The following ARHGAP32 variants were observed in gnomAD, a reference collection of about 807,000 sequenced individuals.
ARHGAP32 encodes the protein Rho GTPase activating protein 32.
Under a neutral mutation model 186.5 loss-of-function variants are expected in ARHGAP32, and 51 were observed. The ratio of observed to expected loss-of-function variants is 0.27; its 90% CI spans 0.22 to 0.35. The LOEUF (loss-of-function observed/expected upper bound fraction) is 0.35, where lower values mean the gene tolerates loss of function less well. ARHGAP32 is among the 10% of genes least tolerant of loss of function. ARHGAP32 has a pLI of 1.00. For missense variants in ARHGAP32, 2,186 were observed against 2,623.5 expected (o/e 0.83, Z 3.64); for synonymous variants, 950 against 964.3 (o/e 0.99, Z 0.27).
At position 128,988,121 on chromosome 11, in the gene ARHGAP32, C is replaced by A. The variant is rs1013575978; in HGVS notation, c.1200G>T (p.Pro400=). 1 of 1,609,484 alleles carries A rather than the reference C, an allele frequency of 6.2e-7. No individual in the cohort carries two copies. Among genetic ancestry groups the A allele is most frequent in the African/African-American group, 1.3e-5 (1 of 74,888 alleles). ...ATGCTGTGCAGCTTTGAAGAACCTGCGGCACTAAAGAGAATTTGTAAAGAA... is the reference window on the plus strand; with the variant it reads ...ATGCTGTGCAGCTTTGAAGAACCTGAGGCACTAAAGAGAATTTGTAAAGAA... ...EHLLNSGFEV[P]QVLQSCTAFI... is the part of the protein sequence containing the mutation. The change falls in exon 13 of 23, where the codon CCG becomes CCT. Residue 400 remains proline, a synonymous_variant. Transcript: ENST00000682385.
intron 11 of ARHGAP32, among the ~76,000 whole-genome samples, chr11:129,032,880 A>C (rs1166035349): frequency 3.3e-5 from 5 of 152,218 alleles, no homozygotes; most frequent in African/African-American, 1.2e-4. Context: ...CTGGATCAAC[A>C]GAACATTACC....
intron 5 of ARHGAP32, among the ~76,000 whole-genome samples, chr11:129,109,297 C>T (rs11221565): frequency 0.19 from 28,279 of 151,896 alleles, 2,814 homozygotes; most frequent in Non-Finnish European, 0.21. Context: ...TTTAACCATT[C>T]GTCTGTGGAG....
At chr11:129,193,562 T>TATATA (rs1944318114), upstream of ARHGAP32, among the ~76,000 whole-genome samples, 3 of 12,000 alleles carry the variant, frequency 2.5e-4, no homozygotes, top group African/African-American at 5.7e-4. Context: ...ATATATATAT[T>TATATA]ATATATAATA....
rs1945340417 is a variant in ARHGAP32, at chr11:128,970,652, C to A, written c.4561G>T (p.Val1521Leu). ...TPNCQYRPQS[V>L]PPHHNKLEQH... Reference sequence around the variant, plus strand: ...TCCAATTTATTGTGATGGGGAGGTACACTCTGGGGACGGTACTGGCAGTTT... The same window carrying A: ...TCCAATTTATTGTGATGGGGAGGTAAACTCTGGGGACGGTACTGGCAGTTT... The change falls in exon 23 of 23, where the codon GTA becomes TTA. Residue 1521 changes from valine to leucine, a missense_variant. Physicochemically the swap from Val to Leu is conservative, Grantham distance 32. Transcript: ENST00000682385. The surrounding 1 kb of genome is among the most constrained non-coding windows in gnomAD (Gnocchi z 5.8). 1 of 1,614,132 alleles carries A rather than the reference C, an allele frequency of 6.2e-7. No individual in the cohort carries two copies. Among genetic ancestry groups the A allele is most frequent in the African/African-American group, 1.3e-5 (1 of 75,004 alleles).
At chr11:129,251,583 T>C (rs957658337) in intron 1 of ARHGAP32, among the ~76,000 whole-genome samples, 5 of 152,072 alleles carry the variant, frequency 3.3e-5, no homozygotes, top group African/African-American at 1.2e-4. Flanking sequence ...TTACATATAT[T>C]TATAACCACA....
At chr11:129,207,799 A>G (rs1453152237) in intron 1 of ARHGAP32, among the ~76,000 whole-genome samples, 1 of 152,192 alleles carries the variant, frequency 6.6e-6, no homozygotes, top group Non-Finnish European at 1.5e-5. Context: ...AAAATAATAG[A>G]AAGTACAAAG....
chr11:129,212,674 T>G (rs909871964), intron 1 of ARHGAP32, among the ~76,000 whole-genome samples: 1 of 152,176 alleles, frequency 6.6e-6, no homozygotes, highest in African/African-American at 2.4e-5. Flanking sequence ...TTGTAATGTT[T>G]TAGATGGCAA....
intron 2 of ARHGAP32, among the ~76,000 whole-genome samples, chr11:129,152,443 T>G (rs1435167655): frequency 6.6e-6 from 1 of 151,862 alleles, no homozygotes; most frequent in Non-Finnish European, 1.5e-5. Flanking sequence ...AAAAGAAAAC[T>G]ACAGACCAGT....
chr11:129,236,399 C>T (rs1012255764), intron 1 of ARHGAP32, among the ~76,000 whole-genome samples: 1 of 152,028 alleles, frequency 6.6e-6, no homozygotes, highest in African/African-American at 2.4e-5. Flanking sequence ...TGTCCTTAGC[C>T]CACTTTTTTG....
chr11:129,086,759 T>G (rs969394947), intron 6 of ARHGAP32, among the ~76,000 whole-genome samples: 4 of 147,578 alleles, frequency 2.7e-5, no homozygotes, highest in African/African-American at 5.1e-5. Flanking sequence ...AGGCAGAGCT[T>G]GCAGTGAGCC....
At chr11:128,988,210 C>T in intron 12 of ARHGAP32, 85 bp from the exon 13 acceptor site, 1 of 970,656 alleles carries the variant, frequency 1.0e-6, no homozygotes, top group Non-Finnish European at 1.5e-6. Flanking sequence ...TCTTAGTTTA[C>T]AAAAGTAAAA....
At chr11:129,009,974 G>A (rs11221536) in intron 11 of ARHGAP32, among the ~76,000 whole-genome samples, 31,692 of 152,054 alleles carry the variant, frequency 0.21, 3,434 homozygotes, top group African/African-American at 0.22. Context: ...AACCTTGTCA[G>A]CATCTGTTGT....
chr11:129,164,572 A>G (rs780448534), intron 1 of ARHGAP32, 145 bp from the exon 2 acceptor site: 109 of 569,052 alleles, frequency 1.9e-4, no homozygotes, highest in Non-Finnish European at 2.7e-4. Context: ...GTGATCCTTT[A>G]TTTCTACTCT....
At chr11:129,006,000 A>G (rs11221535) in intron 11 of ARHGAP32, among the ~76,000 whole-genome samples, 30,620 of 151,914 alleles carry the variant, frequency 0.2, 3,248 homozygotes, top group Non-Finnish European at 0.22. Context: ...TGCTTGATCA[A>G]TTCTGCTATT....
intron 1 of ARHGAP32, among the ~76,000 whole-genome samples, chr11:129,177,155 A>G (rs61911015): frequency 0.13 from 19,498 of 152,040 alleles, 1,383 homozygotes; most frequent in Non-Finnish European, 0.15. Context: ...AATACTACAA[A>G]CACCTCTACG....
intron 2 of ARHGAP32, among the ~76,000 whole-genome samples, chr11:129,152,944 C>T (rs888525141): frequency 6.6e-6 from 1 of 152,124 alleles, no homozygotes; most frequent in Non-Finnish European, 1.5e-5. Context: ...GGAAGTCAAA[C>T]TGTCGCTGTT....
intron 5 of ARHGAP32, among the ~76,000 whole-genome samples, chr11:129,096,789 G>A (rs978030826): frequency 5.3e-5 from 8 of 152,140 alleles, no homozygotes; most frequent in African/African-American, 9.7e-5. Context: ...AAGGGCCAAC[G>A]CCCTTTTCCT....
chr11:129,024,407 G>T (rs1469543943), intron 11 of ARHGAP32, among the ~76,000 whole-genome samples: 1 of 152,204 alleles, frequency 6.6e-6, no homozygotes, highest in East Asian at 1.9e-4. Context: ...CAATAAAAAT[G>T]ATAGCACTTT....
At chr11:128,974,065 C>A in intron 21 of ARHGAP32, 59 bp downstream of exon 21, 2 of 1,566,800 alleles carry the variant, frequency 1.3e-6, no homozygotes, top group East Asian at 2.2e-5. Context: ...GCACAGATGG[C>A]ACACAGGATT....
Sources: gnomAD v4.1 joint callset for allele counts (sites outside exome capture counted in the v4.1 genomes callset) on GRCh38, gnomAD v4.1.1 for gene constraint, Gnocchi (gnomAD v3.1) non-coding constraint, MANE v1.5 for transcripts, NCBI Gene and HGNC (gene_info 2026-07-23, HGNC 2026-07-21) for gene names.